The following MEOX1 variants were observed in gnomAD, a reference collection of about 807,000 sequenced individuals.
MEOX1 encodes the protein homeobox protein MOX-1.
Under a neutral mutation model 23.2 loss-of-function variants are expected in MEOX1, and 17 were observed. The ratio of observed to expected loss-of-function variants is 0.73; its 90% CI spans 0.50 to 1.10. The LOEUF (loss-of-function observed/expected upper bound fraction) is 1.10. Ranked by LOEUF, MEOX1 falls within the 50% of genes least tolerant of loss-of-function variation. The pLI is 0.00. For synonymous variants in MEOX1, 134 were observed against 135.1 expected, an observed-to-expected ratio of 0.99 and a Z score of 0.06; for missense variants, 333 against 332.2, an observed-to-expected ratio of 1.00 and a Z score of -0.02.
chr17:43,655,145 G>A (rs2154588962), intron 1 of MEOX1, among the ~76,000 whole-genome samples: 1 of 152,124 alleles, frequency 6.6e-6, no homozygotes, highest in South Asian at 2.1e-4. Context: ...AGAGGTGGAA[G>A]CAACCTACAT....
chr17:43,647,057 T>C lies in MEOX1; in HGVS notation c.470-3397A>G, dbSNP rs1598261597. ...ATTTATCAGCTCCACGAGATGCCATTGAAGGGCTGGGATAGAAACAGATGC... is the reference window on the plus strand; with the variant it reads ...ATTTATCAGCTCCACGAGATGCCATCGAAGGGCTGGGATAGAAACAGATGC... On this transcript the variant is annotated intron_variant, in intron 1 of 2. Transcript: ENST00000318579. 2.0e-5 allele frequency among the ~76,000 whole-genome samples: 3 copies of C among 152,352 alleles called. No homozygotes were observed. The South Asian group carries it at 6.2e-4, about 32-fold the overall frequency.
chr17:43,653,848 A>G (rs759616709), intron 1 of MEOX1, among the ~76,000 whole-genome samples: 3 of 152,072 alleles, frequency 2.0e-5, no homozygotes, highest in Non-Finnish European at 2.9e-5. Flanking sequence ...TTGGTGTAAG[A>G]TAGGAAATCA....
At position 43,661,574 on chromosome 17, in the gene MEOX1, A is replaced by T; in HGVS notation, c.-40T>A. 1 of 1,173,970 alleles carries T rather than the reference A, an allele frequency of 8.5e-7. No homozygotes were observed. Among genetic ancestry groups the T allele is most frequent in the South Asian group, 2.3e-5 (1 of 43,572 alleles). 72.7% of individuals were successfully genotyped at this position (1,173,970 alleles called of 1,614,324 possible). A position where few individuals can be genotyped will look rare whatever the true frequency, so the allele number is the denominator to read the frequency against. ...ACGCCTCGGTCCTTTCAAAGATTTG[A>T]TTCTTTATACTTTTTATGTTCAAAT... is the stretch of plus-strand genomic sequence containing the variant. On this transcript the variant is annotated 5_prime_UTR_variant, in exon 1 of 3. Coordinates refer to ENST00000318579, the MANE Select transcript of MEOX1 (RefSeq NM_004527.4).
At chr17:43,646,711 C>T (rs980827912) in intron 1 of MEOX1, among the ~76,000 whole-genome samples, 4 of 152,236 alleles carry the variant, frequency 2.6e-5, no homozygotes, top group South Asian at 2.1e-4. Flanking sequence ...CAAGGTGGCT[C>T]ACGCCTGTAA....
intron 1 of MEOX1, among the ~76,000 whole-genome samples, chr17:43,652,097 CAGG>C (rs1567745848): frequency 6.6e-6 from 1 of 152,182 alleles, no homozygotes. Context: ...GAGCTCTAAT[CAGG>C]AGGCCGGGGA....
chr17:43,655,439 C>T (rs572847302), intron 1 of MEOX1, among the ~76,000 whole-genome samples: 1 of 151,332 alleles, frequency 6.6e-6, no homozygotes, highest in Admixed American at 6.6e-5. Context: ...CCACTGCACT[C>T]CAGCCTGGCA....
chr17:43,652,842 T>C lies in MEOX1; in HGVS notation c.469+8224A>G, dbSNP rs1972943667. Among the ~76,000 whole-genome samples the C allele has an allele frequency of 3.5e-5, 5 of 143,852 alleles. No individual in the cohort carries two copies. The South Asian group carries it at 1.2e-3, about 34-fold the overall frequency. 94.4% of individuals were successfully genotyped at this position (143,852 alleles called of 152,430 possible). On this transcript the variant is annotated intron_variant, in intron 1 of 2. Coordinates refer to ENST00000318579, the MANE Select transcript of MEOX1 (RefSeq NM_004527.4). ...TACTATTGCTTTTTTTTTTTTTTTT[T>C]TTTTTTTGAGACGGAGTCTCACTCT...
At position 43,642,031 on chromosome 17, in the gene MEOX1, A is replaced by G; in HGVS notation, c.644T>C (p.Val215Ala). The change falls in exon 3 of 3, where the codon GTC becomes GCC. Residue 215 changes from valine (V) to alanine (A), a missense_variant and splice_region_variant. Val to Ala is a moderately conservative substitution (Grantham distance 64). Coordinates refer to ENST00000318579, the MANE Select transcript of MEOX1 (RefSeq NM_004527.4). ...AVNLDLSERQ[V>A]KVWFQNRRMK... Reference sequence around the variant, plus strand: ...CCTTCGGTTCTGGAACCACACTTTGACCTGGGGGAGGAAGCAAAGGAGCCT... The same window carrying G: ...CCTTCGGTTCTGGAACCACACTTTGGCCTGGGGGAGGAAGCAAAGGAGCCT... 6.2e-7 allele frequency: 1 copy of G among 1,612,642 alleles called. No individual in the cohort carries two copies. Among genetic ancestry groups the G allele is most frequent in the South Asian group, 1.1e-5 (1 of 90,850 alleles).
In MEOX1 at chr17:43,658,806, C is replaced by T. The variant is rs142296384; in HGVS notation, c.469+2260G>A. 1.7e-4 allele frequency among the ~76,000 whole-genome samples: 26 copies of T among 152,246 alleles called. No homozygotes were observed. In the South Asian group the frequency reaches 2.7e-3, roughly 16 times the overall value. On this transcript the variant is annotated intron_variant, in intron 1 of 2. Transcript: ENST00000318579. ...ATTCCAAAGGAGGATGCAAGCATTGCGGCAATAAAGATTTCCATGCTGAAC... is the reference window on the plus strand; with the variant it reads ...ATTCCAAAGGAGGATGCAAGCATTGTGGCAATAAAGATTTCCATGCTGAAC...
intron 1 of MEOX1, among the ~76,000 whole-genome samples, chr17:43,644,265 G>C (rs977851926): frequency 3.3e-5 from 5 of 152,236 alleles, no homozygotes; most frequent in African/African-American, 4.8e-5. Flanking sequence ...CCAGGGAGCT[G>C]TTCAGACCTG....
intron 1 of MEOX1, among the ~76,000 whole-genome samples, chr17:43,659,203 A>T (rs1428588512): frequency 2.6e-5 from 4 of 152,196 alleles, no homozygotes; most frequent in Non-Finnish European, 5.9e-5. Flanking sequence ...AGTTCTCTGG[A>T]AAGTGGCAGA....
chr17:43,645,590 G>A (rs1317018495), intron 1 of MEOX1, among the ~76,000 whole-genome samples: 4 of 152,210 alleles, frequency 2.6e-5, no homozygotes, highest in Non-Finnish European at 5.9e-5. Flanking sequence ...TGCCGGCGAG[G>A]AGTGTTGGAA....
intron 1 of MEOX1, among the ~76,000 whole-genome samples, chr17:43,644,413 G>A (rs1322796689): frequency 6.6e-6 from 1 of 152,188 alleles, no homozygotes; most frequent in Non-Finnish European, 1.5e-5. Flanking sequence ...CTGCCAACAG[G>A]GTCAGGGGAC....
chr17:43,654,994 G>A (rs947081848), intron 1 of MEOX1, among the ~76,000 whole-genome samples: 3 of 152,118 alleles, frequency 2.0e-5, no homozygotes, highest in African/African-American at 7.2e-5. Flanking sequence ...GGAGCTTGCA[G>A]TGAGCTGAGA....
chr17:43,657,012 C>CTTTCTCTTTCTT (rs1555567818), intron 1 of MEOX1, among the ~76,000 whole-genome samples: 1 of 105,086 alleles, frequency 9.5e-6, no homozygotes, highest in Non-Finnish European at 1.9e-5. Flanking sequence ...TTCTTTCTTT[C>CTTTCTCTTTCTT]TCTTTCTTTC....
intron 1 of MEOX1, among the ~76,000 whole-genome samples, chr17:43,657,166 CTTTCTTTTTT>C (rs1242052692): frequency 7.4e-5 from 6 of 81,148 alleles, no homozygotes; most frequent in Non-Finnish European, 9.9e-5. Context: ...TTCTTTCTTT[CTTTCTTTTTT>C]TTTTTTTTTT....
At chr17:43,653,141 CTTT>C (rs112378872) in intron 1 of MEOX1, among the ~76,000 whole-genome samples, 3 of 116,102 alleles carry the variant, frequency 2.6e-5, no homozygotes, top group Non-Finnish European at 3.6e-5. Context: ...CTACCATTGC[CTTT>C]TTTTTTTTTT....
chr17:43,647,376 C>T (rs1356359656), intron 1 of MEOX1, among the ~76,000 whole-genome samples: 1 of 152,230 alleles, frequency 6.6e-6, no homozygotes, highest in Non-Finnish European at 1.5e-5. Flanking sequence ...GCTAAATAAT[C>T]CTGTTATACA....
intron 1 of MEOX1, among the ~76,000 whole-genome samples, chr17:43,657,117 G>T (rs1598267546): frequency 2.0e-4 from 21 of 105,718 alleles, no homozygotes; most frequent in Non-Finnish European, 2.7e-4. Context: ...TTTTCTCTCT[G>T]TCTCCTTCCT....
Sources: allele counts gnomAD v4.1 joint callset (sites outside exome capture counted in the v4.1 genomes callset), GRCh38; gene constraint gnomAD v4.1.1; transcripts MANE v1.5; gene names NCBI Gene and HGNC (gene_info 2026-07-23, HGNC 2026-07-21).